Variants in PDLIM5 observed in about 807,000 individuals in gnomAD.
PDLIM5 encodes the protein PDZ and LIM domain 5.
A neutral mutation model predicts 64.2 loss-of-function variants in PDLIM5; 34 were observed. The observed-to-expected ratio is 0.53, with a 90% CI of 0.40 to 0.71. The LOEUF is 0.71. PDLIM5 is among the 30% of genes least tolerant of loss of function. The pLI, the probability that PDLIM5 is intolerant of heterozygous loss-of-function variation, is 0.00. For missense variants in PDLIM5, 683 were observed against 733.6 expected (o/e 0.93, Z 0.80); for synonymous variants, 253 against 269.1 (o/e 0.94, Z 0.59).
intron 5 of PDLIM5, among the ~76,000 whole-genome samples, chr4:94,578,163 G>A (rs1163954968): frequency 6.6e-6 from 1 of 152,106 alleles, no homozygotes; most frequent in Non-Finnish European, 1.5e-5. Flanking sequence ...AGAGGTAAAA[G>A]CAAACAGGTT....
chr4:94,523,502 G>GT (rs1040647108), intron 2 of PDLIM5, among the ~76,000 whole-genome samples: 81 of 150,824 alleles, frequency 5.4e-4, no homozygotes, highest in African/African-American at 1.7e-3. Flanking sequence ...AGAAAATTCA[G>GT]TTTTTTTTTA....
intron 2 of PDLIM5, among the ~76,000 whole-genome samples, chr4:94,495,286 CA>C (rs1179933687): frequency 2.0e-5 from 3 of 152,230 alleles, no homozygotes; most frequent in Admixed American, 6.5e-5. Flanking sequence ...ACATACATGA[CA>C]AAAACACACA....
chr4:94,490,409 A>G (rs922020306), intron 2 of PDLIM5, among the ~76,000 whole-genome samples: 4 of 152,098 alleles, frequency 2.6e-5, no homozygotes, highest in African/African-American at 9.7e-5. Flanking sequence ...CTTATAAGTA[A>G]AATAACTAGA....
At chr4:94,643,737 T>G (rs1741185463) in intron 9 of PDLIM5, among the ~76,000 whole-genome samples, 1 of 152,208 alleles carries the variant, frequency 6.6e-6, no homozygotes, top group Admixed American at 6.5e-5. Flanking sequence ...AGCCAATCCA[T>G]TGTTTGTTCC....
chr4:94,536,640 A>G (rs897828644), intron 3 of PDLIM5, among the ~76,000 whole-genome samples: 1 of 152,224 alleles, frequency 6.6e-6, no homozygotes, highest in African/African-American at 2.4e-5. Context: ...ACTTTTATAA[A>G]TATGGCAATT....
intron 11 of PDLIM5, among the ~76,000 whole-genome samples, chr4:94,661,224 A>G (rs1032084473): frequency 6.6e-6 from 1 of 152,126 alleles, no homozygotes; most frequent in African/African-American, 2.4e-5. Context: ...CCCTGTCTCT[A>G]CAAAAAAAAT....
intron 8 of PDLIM5, among the ~76,000 whole-genome samples, chr4:94,629,680 C>T (rs1487460233): frequency 6.6e-6 from 1 of 152,190 alleles, no homozygotes; most frequent in Non-Finnish European, 1.5e-5. Context: ...AGAAGCTAGC[C>T]TCCTGAAGAT....
intron 7 of PDLIM5, among the ~76,000 whole-genome samples, chr4:94,592,688 C>T (rs539050608): frequency 2.0e-5 from 3 of 152,212 alleles, no homozygotes; most frequent in African/African-American, 4.8e-5. Flanking sequence ...AGTGCAGTGG[C>T]GCCATCATGG....
At chr4:94,649,928 G>A (rs116373765) in intron 9 of PDLIM5, among the ~76,000 whole-genome samples, 213 of 152,292 alleles carry the variant, frequency 1.4e-3, no homozygotes, top group Middle Eastern at 6.8e-3. Context: ...TTTTGGAGAA[G>A]CAAGTCATTT....
intron 2 of PDLIM5, among the ~76,000 whole-genome samples, chr4:94,511,027 A>G (rs1228298322): frequency 6.6e-6 from 1 of 152,220 alleles, no homozygotes; most frequent in Non-Finnish European, 1.5e-5. Flanking sequence ...AATATTTATC[A>G]CCTCTTAGAA....
chr4:94,477,150 A>T (rs1725394434), intron 2 of PDLIM5, among the ~76,000 whole-genome samples: 1 of 152,168 alleles, frequency 6.6e-6, no homozygotes, highest in South Asian at 2.1e-4. Flanking sequence ...AGTGGTAGAA[A>T]GGAAGTATTG....
At position 94,537,917 on chromosome 4, in the gene PDLIM5, TC is replaced by T. The variant is rs1279774802; in HGVS notation, c.248+14043del. ...GCTCAGTAATTATAAATACTTCTTC[TC>T]TAAAAGTTGTTTTGCTTTTCCAAAT... On this transcript the variant is annotated intron_variant, in intron 3 of 12. Transcript: ENST00000317968. 2.6e-5 allele frequency among the ~76,000 whole-genome samples: 4 copies of T among 152,328 alleles called. No homozygotes were observed. The East Asian group carries it at 7.7e-4, about 29-fold the overall frequency.
At chr4:94,573,937 T>TG (rs1475553751) in intron 4 of PDLIM5, among the ~76,000 whole-genome samples, 2 of 152,188 alleles carry the variant, frequency 1.3e-5, no homozygotes, top group African/African-American at 4.8e-5. Context: ...TTATACAGAT[T>TG]GAGCATCCCT....
intron 9 of PDLIM5, among the ~76,000 whole-genome samples, chr4:94,647,745 T>C (rs1741530774): frequency 6.6e-6 from 1 of 152,156 alleles, no homozygotes; most frequent in Non-Finnish European, 1.5e-5. Flanking sequence ...TTCTCCGGGA[T>C]AGACCATATG....
At chr4:94,473,443 G>T (rs1366635265) in intron 2 of PDLIM5, among the ~76,000 whole-genome samples, 1 of 152,066 alleles carries the variant, frequency 6.6e-6, no homozygotes, top group Non-Finnish European at 1.5e-5. Flanking sequence ...TGTATTTTTA[G>T]TAGAGACAGG....
chr4:94,662,612 C>A, intron 12 of PDLIM5, 75 bp downstream of exon 12: 1 of 646,672 alleles, frequency 1.5e-6, no homozygotes, highest in Middle Eastern at 2.6e-4. Flanking sequence ...ATGGAAATAT[C>A]AGCTTCTGGG....
At chr4:94,579,443 A>G (rs1197882432) in intron 5 of PDLIM5, 4 of 646,094 alleles carry the variant, frequency 6.2e-6, no homozygotes, top group Non-Finnish European at 1.0e-5. Context: ...CCTGTGTGAT[A>G]CTTTGAAGAA....
chr4:94,547,977 T>A (rs1219561686), intron 3 of PDLIM5, among the ~76,000 whole-genome samples: 1 of 152,196 alleles, frequency 6.6e-6, no homozygotes, highest in African/African-American at 2.4e-5. Context: ...GGTTGTTTAC[T>A]TTTTACCAAA....
intron 2 of PDLIM5, among the ~76,000 whole-genome samples, chr4:94,519,771 A>T (rs1230516756): frequency 6.6e-6 from 1 of 152,160 alleles, no homozygotes; most frequent in African/African-American, 2.4e-5. Flanking sequence ...GACTGAAAAA[A>T]AATTTATCTT....
Sources: gnomAD v4.1 joint callset for allele counts (sites outside exome capture counted in the v4.1 genomes callset) on GRCh38, gnomAD v4.1.1 for gene constraint, MANE v1.5 for transcripts, NCBI Gene and HGNC (gene_info 2026-07-23, HGNC 2026-07-21) for gene names.